Variants in SPON1 observed in about 807,000 individuals in gnomAD.
The protein encoded by SPON1 is spondin-1.
A neutral mutation model predicts 111.7 loss-of-function variants in SPON1; 52 were observed. That is an observed-to-expected ratio of 0.47 (90% CI 0.37 to 0.59). SPON1 has a LOEUF of 0.59. Among genes scored for constraint, SPON1 ranks in the 20% least tolerant of loss-of-function variants. The probability of loss-of-function intolerance (pLI) is 0.00; values close to 1 mark genes in which losing one functional copy is unlikely to be tolerated. For missense variants in SPON1, 957 were observed against 1,068.5 expected (o/e 0.90, Z 1.46); for synonymous variants, 410 against 395.8 (o/e 1.04, Z -0.43).
At chr11:14,051,150 C>T (rs1848704569) in intron 3 of SPON1, among the ~76,000 whole-genome samples, 1 of 151,966 alleles carries the variant, frequency 6.6e-6, no homozygotes, top group South Asian at 2.1e-4. Context: ...AAGTTTAATC[C>T]CCATCGTGAT....
chr11:14,189,811 A>T (rs1186189843), intron 6 of SPON1, among the ~76,000 whole-genome samples: 4 of 152,216 alleles, frequency 2.6e-5, no homozygotes, highest in African/African-American at 9.6e-5. Flanking sequence ...TGCTTCGTGG[A>T]ATCCCTCAAG....
chr11:14,034,004 T>A (rs539720194), intron 2 of SPON1, among the ~76,000 whole-genome samples: 1 of 151,630 alleles, frequency 6.6e-6, no homozygotes, highest in East Asian at 1.9e-4. Flanking sequence ...ATTGGAATGT[T>A]GTAATTAGGT....
At position 13,962,939 on chromosome 11, in the gene SPON1, G is replaced by A. The variant is rs1847985138; in HGVS notation, c.35G>A (p.Arg12Gln). Reference protein sequence around the residue: ...RLSPAPLKLSRTPALLALALP... With the variant: ...RLSPAPLKLSQTPALLALALP... Reference sequence around the variant, plus strand: ...TCCCCGGCGCCCCTGAAGCTGAGCCGGACTCCGGCACTGCTGGCCCTGGCG... The same window carrying A: ...TCCCCGGCGCCCCTGAAGCTGAGCCAGACTCCGGCACTGCTGGCCCTGGCG... The change falls in exon 1 of 16, where the codon CGG becomes CAG. Residue 12 changes from arginine to glutamine, a missense_variant. Around this residue, in one of 5 missense-constraint regions of SPON1, gnomAD observed 262 missense variants for 253.9 expected, o/e 1.03. Transcript: ENST00000576479. 1.3e-6 allele frequency: 2 copies of A among 1,574,930 alleles called. No individual in the cohort carries two copies. Among genetic ancestry groups the A allele is most frequent in the Admixed American group, 1.8e-5 (1 of 55,270 alleles).
At chr11:14,070,630 C>A (rs781988756) in intron 3 of SPON1, among the ~76,000 whole-genome samples, 1 of 152,090 alleles carries the variant, frequency 6.6e-6, no homozygotes, top group Non-Finnish European at 1.5e-5. Flanking sequence ...CCCTGAGGAT[C>A]CAGGTATATT....
chr11:14,213,753 G>T (rs192218898), intron 6 of SPON1, among the ~76,000 whole-genome samples: 1 of 152,186 alleles, frequency 6.6e-6, no homozygotes, highest in African/African-American at 2.4e-5. Context: ...CAGTACATAA[G>T]CCACGCTGTA....
chr11:14,171,224 A>G (rs556123676), intron 6 of SPON1, among the ~76,000 whole-genome samples: 3 of 152,186 alleles, frequency 2.0e-5, no homozygotes, highest in African/African-American at 7.2e-5. Context: ...TAGTCTTGGG[A>G]GAGTGTATGT....
chr11:14,119,106 C>T (rs1379076562), intron 5 of SPON1, among the ~76,000 whole-genome samples: 1 of 152,124 alleles, frequency 6.6e-6, no homozygotes, highest in Non-Finnish European at 1.5e-5. Context: ...GGAGGAGCAT[C>T]CCTAACTGCC....
At chr11:13,972,705 A>C (rs782711391) in intron 1 of SPON1, among the ~76,000 whole-genome samples, 2 of 152,194 alleles carry the variant, frequency 1.3e-5, no homozygotes, top group Non-Finnish European at 2.9e-5. Context: ...AAGCCACCTC[A>C]GTTTAGTTCT....
At chr11:14,115,199 G>A (rs1333680176) in intron 5 of SPON1, among the ~76,000 whole-genome samples, 3 of 152,186 alleles carry the variant, frequency 2.0e-5, no homozygotes, top group African/African-American at 7.2e-5. Flanking sequence ...AGGCCAGAGT[G>A]AGCCTGGAGA....
At chr11:14,260,827 A>T (rs1849163398) in intron 14 of SPON1, 75 bp downstream of exon 14, 1 of 1,472,302 alleles carries the variant, frequency 6.8e-7, no homozygotes, top group Admixed American at 2.0e-5. Context: ...AGCCAGTGCT[A>T]ATACTGCTAG....
intron 6 of SPON1, among the ~76,000 whole-genome samples, chr11:14,174,970 G>T (rs1460415965): frequency 7.1e-6 from 1 of 140,290 alleles, no homozygotes; most frequent in Non-Finnish European, 1.5e-5. Flanking sequence ...TTTTTTATAG[G>T]AGTTAGAAGC....
chr11:14,176,051 T>G (rs1848171231), intron 6 of SPON1, among the ~76,000 whole-genome samples: 1 of 152,134 alleles, frequency 6.6e-6, no homozygotes, highest in Non-Finnish European at 1.5e-5. Flanking sequence ...ACAGATGACC[T>G]CTGAAGGGTA....
At chr11:14,071,717 A>G (rs1554920919) in intron 3 of SPON1, among the ~76,000 whole-genome samples, 1 of 139,534 alleles carries the variant, frequency 7.2e-6, no homozygotes, top group Non-Finnish European at 1.7e-5. Flanking sequence ...TACATAATCT[A>G]ACCTTTTTTT....
At chr11:14,070,185 T>C (rs1848864372) in intron 3 of SPON1, among the ~76,000 whole-genome samples, 2 of 152,188 alleles carry the variant, frequency 1.3e-5, no homozygotes, top group Admixed American at 1.3e-4. Flanking sequence ...CATTGGTAGA[T>C]GGGAATAAAT....
At chr11:14,044,038 T>A (rs969082683) in intron 3 of SPON1, among the ~76,000 whole-genome samples, 3 of 152,160 alleles carry the variant, frequency 2.0e-5, no homozygotes, top group Non-Finnish European at 2.9e-5. Context: ...TCTAATTTGA[T>A]CTTCACAGAA....
intron 5 of SPON1, among the ~76,000 whole-genome samples, chr11:14,091,799 G>A (rs1849060822): frequency 6.6e-6 from 1 of 152,208 alleles, no homozygotes; most frequent in African/African-American, 2.4e-5. Flanking sequence ...GGGCTGAAGG[G>A]CTCCTCAAAT....
chr11:14,090,968 G>A (rs1166492991), intron 5 of SPON1, among the ~76,000 whole-genome samples: 1 of 151,732 alleles, frequency 6.6e-6, no homozygotes, highest in Non-Finnish European at 1.5e-5. Context: ...GTTAGATACA[G>A]AGTTTTGACA....
At chr11:14,107,922 C>T (rs201127849) in intron 5 of SPON1, among the ~76,000 whole-genome samples, 1 of 152,164 alleles carries the variant, frequency 6.6e-6, no homozygotes, top group East Asian at 1.9e-4. Context: ...GAATCTGAGA[C>T]TTACTAGAGG....
intron 5 of SPON1, among the ~76,000 whole-genome samples, chr11:14,123,050 C>A (rs1416364228): frequency 1.3e-5 from 2 of 151,792 alleles, no homozygotes; most frequent in African/African-American, 2.4e-5. Flanking sequence ...CCCACCTCAG[C>A]CTCTGGAGTA....
Sources: gnomAD v4.1 joint callset for allele counts (sites outside exome capture counted in the v4.1 genomes callset) on GRCh38, gnomAD v4.1.1 for gene constraint, gnomAD v4.1.1 regional missense constraint, MANE v1.5 for transcripts, NCBI Gene and HGNC (gene_info 2026-07-23, HGNC 2026-07-21) for gene names.